RANBP2: variants seen among roughly 807,000 people sequenced by gnomAD.
RANBP2 encodes the protein RAN binding protein 2, also known as E3 SUMO-protein ligase RanBP2.
A neutral mutation model predicts 303.6 loss-of-function variants in RANBP2; 57 were observed. The observed-to-expected ratio is 0.19, with a 90% CI of 0.15 to 0.23. The LOEUF is 0.23. Among genes scored for constraint, RANBP2 ranks in the 10% least tolerant of loss-of-function variants. The pLI is 1.00. For missense variants in RANBP2, 3,138 were observed against 3,780.8 expected, an observed-to-expected ratio of 0.83 and a Z score of 4.46; for synonymous variants, 1,167 against 1,301.5, an observed-to-expected ratio of 0.90 and a Z score of 2.23.
chr2:109,038,498 C>T, the RANBP2 span, among the ~76,000 whole-genome samples: 2 of 151,730 alleles, frequency 1.3e-5, no homozygotes, highest in African/African-American at 4.8e-5. Context: ...CCAGTCATAA[C>T]CCGGTCTCTA....
chr2:109,168,880 T>A, the RANBP2 span, among the ~76,000 whole-genome samples: 27 of 152,252 alleles, frequency 1.8e-4, no homozygotes, highest in Non-Finnish European at 2.8e-4. Flanking sequence ...GAACGCTGCA[T>A]GCTGGCCTGT....
intron 4 of RANBP2, 164 bp downstream of exon 4, chr2:108,731,638 C>G: frequency 7.6e-7 from 1 of 1,319,034 alleles, no homozygotes; most frequent in East Asian, 2.5e-5. Flanking sequence ...CATCTACTGT[C>G]TTATTAGGCA....
the RANBP2 span, among the ~76,000 whole-genome samples, chr2:108,964,284 C>T: frequency 3.3e-5 from 5 of 152,066 alleles, no homozygotes; most frequent in South Asian, 2.1e-4. Context: ...TGAGGTCCAC[C>T]GGTGACCTGT....
chr2:108,872,886 TCTTAA>T, the RANBP2 span, among the ~76,000 whole-genome samples: 1 of 152,148 alleles, frequency 6.6e-6, no homozygotes, highest in Non-Finnish European at 1.5e-5. Flanking sequence ...GCCCCACAAG[TCTTAA>T]CTTGTAATAG....
the RANBP2 span, among the ~76,000 whole-genome samples, chr2:109,717,285 A>AC: frequency 1.3e-5 from 2 of 151,120 alleles, no homozygotes; most frequent in Non-Finnish European, 3.0e-5. Flanking sequence ...AAAAAAAAAA[A>AC]AAAAAACCCA....
At chr2:108,839,723 A>T in the RANBP2 span, among the ~76,000 whole-genome samples, 2,005 of 152,180 alleles carry the variant, frequency 0.013, 64 homozygotes, top group South Asian at 0.082. Context: ...TTTATTTTGT[A>T]TCCTGTGACC....
At chr2:109,094,223 A>G in the RANBP2 span, among the ~76,000 whole-genome samples, 3 of 152,216 alleles carry the variant, frequency 2.0e-5, no homozygotes, top group Non-Finnish European at 2.9e-5. Context: ...GGCTGATTAC[A>G]TAATGGGCTG....
the RANBP2 span, among the ~76,000 whole-genome samples, chr2:108,793,631 C>T: frequency 2.0e-5 from 3 of 151,038 alleles, no homozygotes; most frequent in Non-Finnish European, 4.4e-5. Flanking sequence ...GAGTCTCGCT[C>T]TGTCGCCCAG....
the RANBP2 span, among the ~76,000 whole-genome samples, chr2:109,441,132 C>CAAAAA: frequency 2.4e-3 from 323 of 134,044 alleles, 4 homozygotes; most frequent in South Asian, 5.6e-3. Flanking sequence ...TATAGGAATA[C>CAAAAA]AAAAAAAAAA....
intron 1 of RANBP2, among the ~76,000 whole-genome samples, chr2:108,728,639 T>TG (rs1694932845): frequency 6.7e-6 from 1 of 149,286 alleles, no homozygotes; most frequent in African/African-American, 2.5e-5. Context: ...ATGATGATGA[T>TG]GTTTGGGAGA....
chr2:108,732,924 A>G (rs916017787), intron 4 of RANBP2, among the ~76,000 whole-genome samples: 1 of 152,140 alleles, frequency 6.6e-6, no homozygotes, highest in Non-Finnish European at 1.5e-5. Flanking sequence ...CCCAGGTTCA[A>G]GCGATTCTCC....
chr2:108,820,064 A>C, the RANBP2 span, among the ~76,000 whole-genome samples: 2 of 150,988 alleles, frequency 1.3e-5, no homozygotes, highest in Non-Finnish European at 2.9e-5. Flanking sequence ...AGTCAACAGC[A>C]GACTTCATTA....
downstream of RANBP2, among the ~76,000 whole-genome samples, chr2:108,787,661 T>C (rs753957386): frequency 1.3e-5 from 2 of 152,230 alleles, no homozygotes; most frequent in Non-Finnish European, 2.9e-5. Flanking sequence ...TTGTCCTTTT[T>C]GTTGCCTTTA....
the RANBP2 span, among the ~76,000 whole-genome samples, chr2:109,054,113 A>G: frequency 1.2e-4 from 19 of 152,182 alleles, no homozygotes; most frequent in Admixed American, 1.2e-3. Context: ...ACATCCATCT[A>G]TGTGCCATGC....
At chr2:108,860,121 G>T in the RANBP2 span, among the ~76,000 whole-genome samples, 2 of 151,916 alleles carry the variant, frequency 1.3e-5, no homozygotes, top group African/African-American at 4.8e-5. Flanking sequence ...TTGGTGTATA[G>T]AAATGCTTCT....
At chr2:108,772,394 T>G in intron 21 of RANBP2, 95 bp from the exon 22 acceptor site, 1 of 922,728 alleles carries the variant, frequency 1.1e-6, no homozygotes, top group Non-Finnish European at 1.8e-6. Context: ...AATTCAGATG[T>G]GGAGAGTGAG....
chr2:109,144,425 A>G, the RANBP2 span, among the ~76,000 whole-genome samples: 10 of 152,210 alleles, frequency 6.6e-5, no homozygotes, highest in African/African-American at 1.9e-4. Flanking sequence ...AGCTTTCACC[A>G]TGACGTCTCT....
the RANBP2 span, among the ~76,000 whole-genome samples, chr2:108,805,376 A>G: frequency 5.0e-3 from 761 of 152,192 alleles, 4 homozygotes; most frequent in South Asian, 0.021. Context: ...AGACCTTCAC[A>G]TTGCTCATGT....
chr2:109,220,209 A>G, the RANBP2 span, among the ~76,000 whole-genome samples: 1 of 152,220 alleles, frequency 6.6e-6, no homozygotes, highest in Non-Finnish European at 1.5e-5. Context: ...GTGCTGGGAA[A>G]ACTGGATATT....
Sources: gnomAD v4.1 joint callset for allele counts (sites outside exome capture counted in the v4.1 genomes callset) on GRCh38, gnomAD v4.1.1 for gene constraint, MANE v1.5 for transcripts, NCBI Gene and HGNC (gene_info 2026-07-23, HGNC 2026-07-21) for gene names.